The following SUGCT variants were observed in gnomAD, a reference collection of about 807,000 sequenced individuals.
SUGCT encodes the protein succinyl-CoA:glutarate CoA-transferase.
SUGCT carries 41 observed loss-of-function variants against 55.0 expected under a neutral mutation model. The observed-to-expected ratio is 0.74, with a 90% CI of 0.58 to 0.97. The LOEUF is 0.97. Ranked by LOEUF, SUGCT falls within the 50% of genes least tolerant of loss-of-function variation. The pLI, the probability that SUGCT is intolerant of heterozygous loss-of-function variation, is 0.00. For synonymous variants in SUGCT, 187 were observed against 200.4 expected (o/e 0.93, Z 0.56); for missense variants, 568 against 547.8 (o/e 1.04, Z -0.37).
chr7:40,372,564 T>C (rs563247165), intron 9 of SUGCT, among the ~76,000 whole-genome samples: 42 of 152,132 alleles, frequency 2.8e-4, no homozygotes, highest in Admixed American at 9.8e-4. Context: ...TACTGGGAAA[T>C]AGATACTCCT....
intron 7 of SUGCT, among the ~76,000 whole-genome samples, chr7:40,253,531 T>G (rs901587479): frequency 5.9e-5 from 9 of 152,210 alleles, no homozygotes; most frequent in Admixed American, 1.3e-4. Flanking sequence ...ATAATCGGCA[T>G]TCACATATTG....
intron 9 of SUGCT, among the ~76,000 whole-genome samples, chr7:40,439,064 GTATATATATATATATATA>G (rs1183426693): frequency 0.013 from 358 of 27,180 alleles, 18 homozygotes; most frequent in South Asian, 0.061. Flanking sequence ...TATATATGGT[GTATATATATATATATATA>G]TATATATATA....
intron 12 of SUGCT, among the ~76,000 whole-genome samples, chr7:40,567,264 A>G (rs772942693): frequency 5.3e-5 from 8 of 152,114 alleles, no homozygotes; most frequent in Non-Finnish European, 8.8e-5. Context: ...GCCTAAATTA[A>G]CTCTTTCAGC....
At chr7:41,008,419 A>G in the SUGCT span, among the ~76,000 whole-genome samples, 4 of 152,164 alleles carry the variant, frequency 2.6e-5, no homozygotes, top group Non-Finnish European at 5.9e-5. Context: ...AGTGGGGCCA[A>G]TGAAAGGTCA....
intron 13 of SUGCT, among the ~76,000 whole-genome samples, chr7:40,781,937 C>G (rs1393284510): frequency 6.6e-6 from 1 of 151,590 alleles, no homozygotes; most frequent in East Asian, 1.9e-4. Flanking sequence ...AGACGTAAGC[C>G]TCCCCCTACC....
intron 10 of SUGCT, among the ~76,000 whole-genome samples, chr7:40,455,895 A>C (rs945773828): frequency 3.3e-5 from 5 of 152,264 alleles, no homozygotes; most frequent in Non-Finnish European, 7.3e-5. Flanking sequence ...TAATGCACTT[A>C]AAGTGATGGC....
At chr7:40,807,466 C>T (rs1273232234) in intron 13 of SUGCT, among the ~76,000 whole-genome samples, 2 of 152,142 alleles carry the variant, frequency 1.3e-5, no homozygotes, top group South Asian at 2.1e-4. Context: ...CTCAGTTTCT[C>T]CGCAGAAACA....
At chr7:40,549,962 G>A (rs1345875221) in intron 12 of SUGCT, among the ~76,000 whole-genome samples, 2 of 152,146 alleles carry the variant, frequency 1.3e-5, no homozygotes, top group Admixed American at 6.5e-5. Flanking sequence ...GGAGGAGATA[G>A]CATGTTTGGG....
chr7:40,991,590 G>A, the SUGCT span, among the ~76,000 whole-genome samples: 9 of 152,188 alleles, frequency 5.9e-5, no homozygotes, highest in South Asian at 1.2e-3. Context: ...ATGCCTCTAC[G>A]TTCTCACTTC....
chr7:40,157,240 G>C (rs547339937), intron 1 of SUGCT, among the ~76,000 whole-genome samples: 22 of 152,004 alleles, frequency 1.4e-4, no homozygotes, highest in Admixed American at 6.6e-4. Flanking sequence ...AAGATCCCAG[G>C]GATCTTCCCC....
At chr7:40,148,687 C>T (rs1788392847) in intron 1 of SUGCT, among the ~76,000 whole-genome samples, 1 of 152,054 alleles carries the variant, frequency 6.6e-6, no homozygotes, top group African/African-American at 2.4e-5. Context: ...AATGAAGACC[C>T]AAACCCATGA....
intron 1 of SUGCT, among the ~76,000 whole-genome samples, chr7:40,175,503 A>C (rs781744916): frequency 9.9e-5 from 15 of 152,194 alleles, no homozygotes; most frequent in Non-Finnish European, 2.1e-4. Flanking sequence ...TACAGGTGTG[A>C]ATCACCGCAC....
chr7:40,826,624 G>A (rs1405560025), intron 13 of SUGCT, among the ~76,000 whole-genome samples: 1 of 152,180 alleles, frequency 6.6e-6, no homozygotes, highest in Non-Finnish European at 1.5e-5. Context: ...TTTTCAGAAA[G>A]TACCCAGCTC....
intron 13 of SUGCT, among the ~76,000 whole-genome samples, chr7:40,851,398 T>G (rs1793846148): frequency 6.6e-6 from 1 of 152,208 alleles, no homozygotes; most frequent in South Asian, 2.1e-4. Context: ...GGGTGAGGTA[T>G]GCAGTAAGCG....
At chr7:40,299,833 A>G (rs755451197) in intron 8 of SUGCT, among the ~76,000 whole-genome samples, 2 of 151,978 alleles carry the variant, frequency 1.3e-5, no homozygotes, top group Non-Finnish European at 2.9e-5. Context: ...TTTTATTTTT[A>G]TTTTTTTACA....
intron 8 of SUGCT, among the ~76,000 whole-genome samples, chr7:40,275,135 A>G (rs927837549): frequency 8.5e-5 from 13 of 152,208 alleles, no homozygotes; most frequent in South Asian, 4.1e-4. Context: ...TACACGGACC[A>G]TGAAGATTTT....
chr7:40,416,194 G>A (rs879072781), intron 9 of SUGCT, among the ~76,000 whole-genome samples: 1 of 151,650 alleles, frequency 6.6e-6, no homozygotes, highest in African/African-American at 2.4e-5. Context: ...ATCGTGAATA[G>A]CAATTTTCTG....
In SUGCT at chr7:40,577,414, AT is replaced by A. The variant is rs879543359; in HGVS notation, c.1089+81040del. ...TCTTGCAAATCTCGTATTTTCCTGG[AT>A]TTTTTTTTTTTATGGCATGTTGGGG... On this transcript the variant is annotated intron_variant, in intron 12 of 13. Transcript: ENST00000335693. 4.0e-3 allele frequency among the ~76,000 whole-genome samples: 574 copies of A among 145,256 alleles called. 1 individual carries two copies. Among genetic ancestry groups the A allele is most frequent in the Middle Eastern group, 0.014 (4 of 280 alleles).
At chr7:40,587,607 C>T (rs1034348467) in intron 12 of SUGCT, among the ~76,000 whole-genome samples, 3 of 152,082 alleles carry the variant, frequency 2.0e-5, no homozygotes, top group Non-Finnish European at 4.4e-5. Flanking sequence ...TTGTCATTGC[C>T]ATGGCAAAGC....
Sources: gnomAD v4.1 joint callset for allele counts (sites outside exome capture counted in the v4.1 genomes callset) on GRCh38, gnomAD v4.1.1 for gene constraint, MANE v1.5 for transcripts, NCBI Gene and HGNC (gene_info 2026-07-23, HGNC 2026-07-21) for gene names.